PPP2R2C: variants seen among roughly 807,000 people sequenced by gnomAD.
PPP2R2C encodes the protein protein phosphatase 2, regulatory subunit B, gamma.
A neutral mutation model predicts 45.3 loss-of-function variants in PPP2R2C; 10 were observed. That is an observed-to-expected ratio of 0.22 (90% CI 0.14 to 0.37). The LOEUF is 0.37. Among genes scored for constraint, PPP2R2C ranks in the 10% least tolerant of loss-of-function variants. The probability of loss-of-function intolerance (pLI) is 1.00; values close to 1 mark genes in which losing one functional copy is unlikely to be tolerated. For synonymous variants in PPP2R2C, 257 were observed against 245.4 expected, an observed-to-expected ratio of 1.05 and a Z score of -0.44; for missense variants, 308 against 619.7, an observed-to-expected ratio of 0.50 and a Z score of 5.34.
chr4:6,554,874 G>A (rs1483189914), intron 1 of PPP2R2C, among the ~76,000 whole-genome samples: 17 of 83,922 alleles, frequency 2.0e-4, no homozygotes, highest in Middle Eastern at 6.6e-3. Flanking sequence ...AAAAAAAAAA[G>A]AAAAAGAAAA....
chr4:6,539,688 G>C (rs375363259), intron 1 of PPP2R2C, among the ~76,000 whole-genome samples: 1 of 152,316 alleles, frequency 6.6e-6, no homozygotes, highest in African/African-American at 2.4e-5. Context: ...TGGCAAGTGC[G>C]TGGGGAAATG....
chr4:6,351,960 G>A, intron 5 of PPP2R2C, among the ~76,000 whole-genome samples: 1 of 152,308 alleles, frequency 6.6e-6, no homozygotes, highest in Non-Finnish European at 1.5e-5. Flanking sequence ...GGTGGCCCCT[G>A]TTGGTGCTCC....
chr4:6,563,062 G>C lies in PPP2R2C; in HGVS notation c.-59+498C>G, dbSNP rs1560624715. Among the ~76,000 whole-genome samples the C allele has an allele frequency of 6.6e-6, 1 of 152,142 alleles. No individual in the cohort carries two copies. The highest frequency in any genetic ancestry group is 2.1e-4 in the South Asian group (1 of 4,836). ...CGGGAGGAGCGCGTAGACGCTGCTG[G>C]ATGGTACCCGCGGCCGGGACTGAAC... On this transcript the variant is annotated intron_variant, in intron 1 of 9. Coordinates refer to the PPP2R2C transcript ENST00000506140. This position sits in a 1 kb window ranked among gnomAD's most constrained non-coding sequence, Gnocchi z 5.8.
intron 1 of PPP2R2C, chr4:6,382,182 A>G (rs1715847501): frequency 8.4e-6 from 10 of 1,193,380 alleles, no homozygotes; most frequent in Admixed American, 3.9e-5. Context: ...TGGAAGATGG[A>G]AAGTTCTAGA....
chr4:6,461,229 G>A (rs1457193761), intron 1 of PPP2R2C, among the ~76,000 whole-genome samples: 1 of 152,224 alleles, frequency 6.6e-6, no homozygotes, highest in Non-Finnish European at 1.5e-5. Context: ...GAAGCAGGGA[G>A]AGGGGAGGGT....
rs746793663 is a variant in PPP2R2C at position 6,562,962 on chromosome 4, C to CAAAAAAAAAAAAAAAAAAAAAA, written c.-59+597_-59+598insTTTTTTTTTTTTTTTTTTTTTT. 1.9e-3 allele frequency among the ~76,000 whole-genome samples: 159 copies of CAAAAAAAAAAAAAAAAAAAAAA among 83,214 alleles called. 1 individual carries two copies. The highest frequency in any genetic ancestry group is 7.0e-3 in the African/African-American group (153 of 21,804). 54.6% of individuals were successfully genotyped at this position (83,214 alleles called of 152,430 possible). A position where few individuals can be genotyped will look rare whatever the true frequency, so the allele number is the denominator to read the frequency against. ...ACTGTCATGGACTGTCCCTGCCAGC[C>CAAAAAAAAAAAAAAAAAAAAAA]AAAAAAAAAAAAAAAAGGCTTCTCC... On this transcript the variant is annotated intron_variant, in intron 1 of 9. Coordinates refer to the PPP2R2C transcript ENST00000506140.
chr4:6,383,205 A>T, intron 1 of PPP2R2C: 1 of 1,190,912 alleles, frequency 8.4e-7, no homozygotes, highest in South Asian at 1.5e-5. Flanking sequence ...CTGGCCCCTG[A>T]GGGGGAGGAG....
intron 6 of PPP2R2C, among the ~76,000 whole-genome samples, chr4:6,347,110 C>T (rs1400236619): frequency 1.3e-5 from 2 of 152,206 alleles, no homozygotes; most frequent in African/African-American, 4.8e-5. Flanking sequence ...GGCAGCCCAG[C>T]TCTGCCACGA....
At chr4:6,333,524 A>G (rs1187232347) in intron 7 of PPP2R2C, 38 bp downstream of exon 7, 2 of 1,600,390 alleles carry the variant, frequency 1.2e-6, no homozygotes, top group East Asian at 2.2e-5. Context: ...ATAGGGAAAA[A>G]AGACCCGGGA....
chr4:6,474,175 T>C (rs778116129), upstream of PPP2R2C, among the ~76,000 whole-genome samples: 59 of 148,698 alleles, frequency 4.0e-4, no homozygotes, highest in Admixed American at 1.0e-3. Flanking sequence ...CCTCTCTCTC[T>C]CTCACCTGTC....
intron 1 of PPP2R2C, among the ~76,000 whole-genome samples, chr4:6,392,236 T>G (rs1054984988): frequency 2.0e-5 from 3 of 152,068 alleles, no homozygotes; most frequent in Non-Finnish European, 4.4e-5. Flanking sequence ...AATAGAAAAT[T>G]TAATTAAAAA....
upstream of PPP2R2C, among the ~76,000 whole-genome samples, chr4:6,476,498 A>C (rs973434019): frequency 6.6e-6 from 1 of 152,180 alleles, no homozygotes; most frequent in African/African-American, 2.4e-5. Flanking sequence ...ATGAGGACAC[A>C]ACAAGAAGTT....
intron 5 of PPP2R2C, 139 bp downstream of exon 5, chr4:6,372,384 G>A (rs1285484859): frequency 4.0e-5 from 35 of 865,250 alleles, no homozygotes; most frequent in Non-Finnish European, 2.1e-5. Flanking sequence ...CGCATACTAG[G>A]AGCCAGAGGT....
intron 1 of PPP2R2C, among the ~76,000 whole-genome samples, chr4:6,450,156 T>G (rs1222612577): frequency 3.9e-5 from 6 of 152,210 alleles, no homozygotes; most frequent in Non-Finnish European, 5.9e-5. Flanking sequence ...CCAGCATCCC[T>G]GCCGGCTGTG....
chr4:6,385,044 C>A (rs1716120338), intron 1 of PPP2R2C, among the ~76,000 whole-genome samples: 1 of 152,156 alleles, frequency 6.6e-6, no homozygotes, highest in South Asian at 2.1e-4. Context: ...AAGACGAGGA[C>A]TCCAGGAATA....
At chr4:6,525,853 G>C (rs189307418) in intron 2 of PPP2R2C, among the ~76,000 whole-genome samples, 48 of 152,138 alleles carry the variant, frequency 3.2e-4, no homozygotes, top group African/African-American at 1.2e-3. Context: ...ACAGGCACTC[G>C]TCACCACACC....
At chr4:6,398,395 C>G (rs190085689) in intron 1 of PPP2R2C, among the ~76,000 whole-genome samples, 2 of 152,208 alleles carry the variant, frequency 1.3e-5, no homozygotes, top group Admixed American at 1.3e-4. Context: ...AGACCTCTTA[C>G]AGCTCAATAA....
rs544473906 is a variant in PPP2R2C, at chr4:6,537,393, T to C, written c.-58-2016A>G. Among the ~76,000 whole-genome samples, 12 of 152,344 alleles carry C rather than the reference T, an allele frequency of 7.9e-5. 1 individual carries two copies. The East Asian group carries it at 2.3e-3, about 29-fold the overall frequency. On this transcript the variant is annotated intron_variant, in intron 1 of 9. Transcript: ENST00000506140. Reference sequence around the variant, plus strand: ...AGTGTGCCTTTCAGTTCACCTCTTCTGTTTGGTTCAAACATTGATTTTTAC... The same window carrying C: ...AGTGTGCCTTTCAGTTCACCTCTTCCGTTTGGTTCAAACATTGATTTTTAC...
intron 5 of PPP2R2C, among the ~76,000 whole-genome samples, chr4:6,356,094 T>C (rs371314043): frequency 6.6e-6 from 1 of 151,690 alleles, no homozygotes; most frequent in African/African-American, 2.4e-5. Context: ...GTTCCTACAC[T>C]GCTTCCTCTG....
Sources: gnomAD v4.1 joint callset for allele counts (sites outside exome capture counted in the v4.1 genomes callset) on GRCh38, gnomAD v4.1.1 for gene constraint, Gnocchi (gnomAD v3.1) non-coding constraint, MANE v1.5 for transcripts, NCBI Gene and HGNC (gene_info 2026-07-23, HGNC 2026-07-21) for gene names.